MMP11: variants seen among roughly 807,000 people sequenced by gnomAD.
MMP11 encodes the protein matrix metallopeptidase 11, also known as stromelysin-3.
MMP11 carries 26 observed loss-of-function variants against 49.5 expected under a neutral mutation model. That is an observed-to-expected ratio of 0.52 (90% confidence interval 0.38 to 0.73). The LOEUF (loss-of-function observed/expected upper bound fraction) is 0.73, where lower values mean the gene tolerates loss of function less well. MMP11 is among the 30% of genes least tolerant of loss of function. MMP11 has a pLI of 0.00. For synonymous variants in MMP11, 265 were observed against 282.3 expected, an observed-to-expected ratio of 0.94 and a Z score of 0.62; for missense variants, 624 against 671.2, an observed-to-expected ratio of 0.93 and a Z score of 0.78.
chr22:23,780,396 G>T lies in MMP11; in HGVS notation c.376G>T (p.Val126Leu). 1 of 1,613,592 alleles carries T rather than the reference G, an allele frequency of 6.2e-7. No individual in the cohort carries two copies. The highest frequency in any genetic ancestry group is 8.5e-7 in the Non-Finnish European group (1 of 1,180,036). ...RFPWQLVQEQ[V>L]RQTMAEALKV... ...CCCATGGCAGTTGGTGCAGGAGCAG[G>T]TGCGGCAGACGATGGCAGAGGCCCT... Residue 126 changes from valine (V) to leucine (L), a missense_variant, in exon 3 of 8, where the codon GTG becomes TTG. Coordinates refer to ENST00000215743, the MANE Select transcript of MMP11 (RefSeq NM_005940.5). The surrounding 1 kb of genome is among the most constrained non-coding windows in gnomAD (Gnocchi z 4.6).
intron 2 of MMP11, chr22:23,779,692 C>T (rs1927546746): frequency 1.9e-6 from 1 of 524,788 alleles, no homozygotes; most frequent in Non-Finnish European, 3.4e-6. Flanking sequence ...GGTGTTCAGT[C>T]ACTCAGGCAG....
chr22:23,773,000 G>T, intron 1 of MMP11, 22 bp downstream of exon 1: 1 of 1,175,704 alleles, frequency 8.5e-7, no homozygotes, highest in South Asian at 3.6e-5. Flanking sequence ...CCACTCGCCG[G>T]CCGCTCCTCG....
At position 23,782,474 on chromosome 22, in the gene MMP11, G is replaced by C; in HGVS notation, c.1324G>C (p.Asp442His). 6.2e-7 allele frequency: 1 copy of C among 1,609,608 alleles called. No individual in the cohort carries two copies. Among genetic ancestry groups the C allele is most frequent in the Non-Finnish European group, 8.5e-7 (1 of 1,177,826 alleles). Residue 442 changes from aspartate to histidine, a missense_variant, in exon 7 of 8, where the codon GAT (aspartate) becomes CAT (histidine). Physicochemically the swap from Asp to His is moderately conservative, Grantham distance 81 (BLOSUM62 -1). Coordinates refer to ENST00000215743, the MANE Select transcript of MMP11 (RefSeq NM_005940.5). ...VPSEIDAAFQ[D>H]ADGYAYFLRG... ...CTCTGAGATCGACGCTGCCTTCCAG[G>C]ATGCTGATGGTGCGTTGGGGGTGAG... is the stretch of plus-strand genomic sequence containing the variant.
intron 1 of MMP11, chr22:23,777,644 G>A (rs1404996045): frequency 2.0e-5 from 3 of 151,524 alleles, no homozygotes; most frequent in African/African-American, 2.4e-5. Context: ...CTGAGGCAGA[G>A]AATTGCTTGA....
chr22:23,778,027 G>T (rs1224513866), intron 1 of MMP11, among the ~76,000 whole-genome samples: 1 of 152,212 alleles, frequency 6.6e-6, no homozygotes, highest in African/African-American at 2.4e-5. Context: ...AGGGTGAGGT[G>T]GGGCCTGAGT....
intron 1 of MMP11, chr22:23,777,958 G>T (rs1029152850): frequency 6.6e-5 from 10 of 152,278 alleles, no homozygotes; most frequent in African/African-American, 2.4e-4. Context: ...AGCAGGGAGC[G>T]TTGGGACGCT....
In MMP11 at chr22:23,781,207, A is replaced by G. The variant is rs1326077024; in HGVS notation, c.873A>G (p.Pro291=). 6.2e-7 allele frequency: 1 copy of G among 1,611,640 alleles called. No homozygotes were observed. The highest frequency in any genetic ancestry group is 2.2e-5 in the East Asian group (1 of 44,882). The change falls in exon 6 of 8, where the codon CCA becomes CCG. Residue 291 remains proline, a synonymous_variant. Coordinates refer to ENST00000215743, the MANE Select transcript of MMP11 (RefSeq NM_005940.5). The stretch of plus-strand genomic sequence containing the variant: ...TCCCACCCCAGCCAGACGCCCCGCC[A>G]GATGCCTGTGAGGCCTCCTTTGACG... ...EIAPLEPDAP[P]DACEASFDAV...
intron 2 of MMP11, chr22:23,779,660 T>TTTTTTAATGATACGG: frequency 1.8e-6 from 1 of 564,670 alleles, no homozygotes; most frequent in South Asian, 2.4e-5. Context: ...ATGCAAAGAG[T>TTTTTTAATGATACGG]CGCAGCACAT....
chr22:23,780,644 TC>T lies in MMP11; in HGVS notation c.549del (p.Lys184ArgfsTer49). ...GGGGGCATCCTGGCCCATGCCTTCT[TC>T]CCCAAGACTCACCGAGAAGGGGATG... Reference protein sequence around the residue: ...GPGGILAHAFFPKTHREGDVH... With the variant: ...GPGGILAHAFXPKTHREGDVH... On this transcript the variant is annotated frameshift_variant, in exon 4 of 8. Coordinates refer to ENST00000215743, the MANE Select transcript of MMP11 (RefSeq NM_005940.5). LOFTEE classifies it high-confidence loss of function. This position sits in a 1 kb window ranked among gnomAD's most constrained non-coding sequence, Gnocchi z 4.6. The T allele has an allele frequency of 6.3e-7, 1 of 1,584,628 alleles. No homozygotes were observed. The highest frequency in any genetic ancestry group is 8.6e-7 in the Non-Finnish European group (1 of 1,167,184).
chr22:23,783,748 G>C lies in MMP11; in HGVS notation c.*204G>C. The C allele has an allele frequency of 1.5e-6, 1 of 654,798 alleles. No homozygotes were observed. The highest frequency in any genetic ancestry group is 2.6e-6 in the Non-Finnish European group (1 of 383,202). The allele number at this position is 654,798 out of a possible 1,614,324, so 40.6% of individuals were successfully genotyped here. A position where few individuals can be genotyped will look rare whatever the true frequency, so the allele number is the denominator to read the frequency against. On this transcript the variant is annotated 3_prime_UTR_variant, in exon 8 of 8. Transcript: ENST00000215743. ...TGGTCACCTGCCAGCGACTGTCTCA[G>C]ACTGGGCAGGGAGGCTTTGGCATGA...
At chr22:23,775,870 G>T (rs1927394248) in intron 1 of MMP11, among the ~76,000 whole-genome samples, 1 of 152,252 alleles carries the variant, frequency 6.6e-6, no homozygotes, top group Admixed American at 6.5e-5. Flanking sequence ...ACAGGGCCAG[G>T]TAAGAGGTGC....
rs746536967 is a variant in MMP11, at chr22:23,780,849, C to T, written c.617-10C>T. The T allele has an allele frequency of 6.2e-7, 1 of 1,610,338 alleles. No individual in the cohort carries two copies. Among genetic ancestry groups the T allele is most frequent in the Non-Finnish European group, 8.5e-7 (1 of 1,177,858 alleles). On this transcript the variant is annotated splice_polypyrimidine_tract_variant and intron_variant, in intron 4 of 7. Transcript: ENST00000215743. The surrounding 1 kb of genome is among the most constrained non-coding windows in gnomAD (Gnocchi z 4.6). ...GGTTCGGGGGTTGCTGAGCCACCTC[C>T]CTTTTTCAGGCACAGACCTGCTGCA...
At position 23,780,942 on chromosome 22, in the gene MMP11, T is replaced by C; in HGVS notation, c.700T>C (p.Ser234Pro). ...QHTTAAKALM[S>P]AFYTFRYPLS... is the part of the protein sequence containing the mutation. ...CACAACAGCAGCCAAGGCCCTGATG[T>C]CCGCCTTCTACACCTTTCGCTACCC... Residue 234 changes from serine to proline, a missense_variant, in exon 5 of 8, where the codon TCC becomes CCC. Coordinates refer to ENST00000215743, the MANE Select transcript of MMP11 (RefSeq NM_005940.5). This position sits in a 1 kb window ranked among gnomAD's most constrained non-coding sequence, Gnocchi z 4.6. 1 of 1,613,918 alleles carries C rather than the reference T, an allele frequency of 6.2e-7. No individual in the cohort carries two copies.
chr22:23,774,764 C>T (rs1569154729), intron 1 of MMP11, among the ~76,000 whole-genome samples: 1 of 152,106 alleles, frequency 6.6e-6, no homozygotes, highest in Non-Finnish European at 1.5e-5. Context: ...TTAATTATAC[C>T]CACTAGACCA....
Position 23,779,249 on chromosome 22 carries a change from T to G in MMP11, c.171T>G (p.Ser57Arg). ...AGCCCTGGCATGCAGCCCTGCCCAG[T>G]AGCCCGGCACCTGCCCCTGCCACGC... is the stretch of plus-strand genomic sequence containing the variant. ...GPQPWHAALP[S>R]SPAPAPATQE... The change falls in exon 2 of 8, where the codon AGT becomes AGG. Residue 57 changes from serine (S) to arginine (R), a missense_variant. Ser to Arg is a moderately radical substitution (Grantham distance 110, BLOSUM62 -1). Transcript: ENST00000215743. The G allele has an allele frequency of 2.5e-6, 4 of 1,609,272 alleles. No homozygotes were observed. The highest frequency in any genetic ancestry group is 1.1e-5 in the South Asian group (1 of 90,332).
intron 1 of MMP11, among the ~76,000 whole-genome samples, chr22:23,775,432 T>C (rs1927377786): frequency 6.6e-6 from 1 of 152,202 alleles, no homozygotes; most frequent in Non-Finnish European, 1.5e-5. Flanking sequence ...AGTTAGGGCA[T>C]CTGGCCCCAG....
In MMP11 at chr22:23,780,337, A is replaced by G. The variant is rs780019800; in HGVS notation, c.339-22A>G. ...GGGGGCTGTCCCTTCCCTGAGGCCC[A>G]GGCCCCTCCATCTCCCTCCAGGATC... On this transcript the variant is annotated intron_variant, in intron 2 of 7. Coordinates refer to ENST00000215743, the MANE Select transcript of MMP11 (RefSeq NM_005940.5). The surrounding 1 kb of genome is among the most constrained non-coding windows in gnomAD (Gnocchi z 4.6). The G allele has an allele frequency of 6.2e-7, 1 of 1,612,154 alleles. No individual in the cohort carries two copies. The highest frequency in any genetic ancestry group is 1.1e-5 in the South Asian group (1 of 91,008).
In MMP11 at chr22:23,783,697, A is replaced by G; in HGVS notation, c.*153A>G. The G allele has an allele frequency of 9.3e-7, 1 of 1,072,986 alleles. No homozygotes were observed. The highest frequency in any genetic ancestry group is 1.5e-5 in the South Asian group (1 of 68,206). 66.5% of individuals were successfully genotyped at this position (1,072,986 alleles called of 1,614,324 possible). ...TGGGGTGGGGTACAACCACCATGAC[A>G]ACTGCCGGGAGGGCCACGCAGGTCG... On this transcript the variant is annotated 3_prime_UTR_variant, in exon 8 of 8. Coordinates refer to ENST00000215743, the MANE Select transcript of MMP11 (RefSeq NM_005940.5).
At chr22:23,779,550 C>T in intron 2 of MMP11, 134 bp downstream of exon 2, 1 of 796,124 alleles carries the variant, frequency 1.3e-6, no homozygotes, top group Non-Finnish European at 2.0e-6. Flanking sequence ...TCCACTGAAC[C>T]CCAGGGAGGT....
Sources: allele counts gnomAD v4.1 joint callset (sites outside exome capture counted in the v4.1 genomes callset), GRCh38; gene constraint gnomAD v4.1.1; non-coding constraint Gnocchi (gnomAD v3.1); transcripts MANE v1.5; gene names NCBI Gene and HGNC (gene_info 2026-07-23, HGNC 2026-07-21).